RAB3IP: variants seen among roughly 807,000 people sequenced by gnomAD.
RAB3IP encodes the protein RAB3A interacting protein.
Under a neutral mutation model 59.1 loss-of-function variants are expected in RAB3IP, and 36 were observed. The ratio of observed to expected loss-of-function variants is 0.61; its 90% confidence interval spans 0.47 to 0.80. The LOEUF (loss-of-function observed/expected upper bound fraction) is 0.80, where lower values mean the gene tolerates loss of function less well. Among genes scored for constraint, RAB3IP ranks in the 30% least tolerant of loss-of-function variants. The pLI is 0.00. For missense variants in RAB3IP, 511 were observed against 536.0 expected, an observed-to-expected ratio of 0.95 and a Z score of 0.46; for synonymous variants, 207 against 191.2, an observed-to-expected ratio of 1.08 and a Z score of -0.68.
intron 1 of RAB3IP, among the ~76,000 whole-genome samples, chr12:69,753,275 G>C (rs1869632410): frequency 1.3e-5 from 2 of 152,174 alleles, no homozygotes; most frequent in Non-Finnish European, 2.9e-5. Context: ...AAGGATTTGA[G>C]AGTTAAATTT....
intron 1 of RAB3IP, among the ~76,000 whole-genome samples, chr12:69,750,989 G>T (rs897882105): frequency 2.4e-4 from 36 of 152,016 alleles, no homozygotes; most frequent in Non-Finnish European, 8.8e-5. Flanking sequence ...TTATTAAGTG[G>T]AATTCTGCTA....
rs1431950597 is a variant in RAB3IP, at chr12:69,800,199, G to C, written c.889-10G>C. 2 of 1,504,378 alleles carry C rather than the reference G, an allele frequency of 1.3e-6. No homozygotes were observed. The highest frequency in any genetic ancestry group is 1.4e-5 in the South Asian group (1 of 72,400). 93.2% of individuals were successfully genotyped at this position (1,504,378 alleles called of 1,614,324 possible). A position where few individuals can be genotyped will look rare whatever the true frequency, so the allele number is the denominator to read the frequency against. On this transcript the variant is annotated splice_polypyrimidine_tract_variant and intron_variant, in intron 6 of 10. Transcript: ENST00000247833. ...AAAACATGTTTTTGTGTTTTCCTTT[G>C]GTTTGTTAGGCTGACTTATCCTTGT...
intron 8 of RAB3IP, among the ~76,000 whole-genome samples, chr12:69,811,239 G>A (rs1379178840): frequency 1.3e-5 from 2 of 152,080 alleles, no homozygotes; most frequent in Non-Finnish European, 1.5e-5. Flanking sequence ...TGGAAGGGTG[G>A]AGGATGGGAA....
At chr12:69,768,017 C>T (rs1872507057) in intron 3 of RAB3IP, among the ~76,000 whole-genome samples, 1 of 151,754 alleles carries the variant, frequency 6.6e-6, no homozygotes, top group South Asian at 2.1e-4. Context: ...GAAAGGGAAC[C>T]CCTCCACCAG....
chr12:69,779,157 G>A (rs1423031672), intron 3 of RAB3IP: 1 of 138,496 alleles, frequency 7.2e-6, no homozygotes, highest in East Asian at 2.2e-4. Context: ...CGCAATATTC[G>A]GATGGGAGTG....
In RAB3IP at chr12:69,794,526, C is replaced by A; in HGVS notation, c.684+12C>A. On this transcript the variant is annotated intron_variant, in intron 5 of 10. Coordinates refer to ENST00000247833, the MANE Select transcript of RAB3IP (RefSeq NM_022456.5). ...AAGCACAAGGAAAAGTGAGTTTTTG[C>A]AGCTCTTAATAGTATAAAATAAATT... 1 of 1,600,826 alleles carries A rather than the reference C, an allele frequency of 6.2e-7. No homozygotes were observed. Among genetic ancestry groups the A allele is most frequent in the Non-Finnish European group, 8.6e-7 (1 of 1,169,340 alleles).
In RAB3IP at chr12:69,817,885, A is replaced by T. The variant is rs530952104; in HGVS notation, c.*2439A>T. On this transcript the variant is annotated 3_prime_UTR_variant, in exon 11 of 11. Transcript: ENST00000247833. ...ATGTATGCAGAAATTCTACAAACCA[A>T]CAAAAAAGGACAGTGTCACAGAAAA... 6.6e-6 allele frequency: 1 copy of T among 152,314 alleles called. No individual in the cohort carries two copies. Among genetic ancestry groups the T allele is most frequent in the East Asian group, 1.9e-4 (1 of 5,186 alleles). 9.4% of individuals were successfully genotyped at this position (152,314 alleles called of 1,614,324 possible). A position where few individuals can be genotyped will look rare whatever the true frequency, so the allele number is the denominator to read the frequency against.
In RAB3IP at chr12:69,815,519, T is replaced by C. The variant is rs374901647; in HGVS notation, c.*73T>C. 31 of 1,094,628 alleles carry C rather than the reference T, an allele frequency of 2.8e-5. No individual in the cohort carries two copies. In the East Asian group the frequency reaches 3.1e-4, roughly 11 times the overall value. The allele number at this position is 1,094,628 out of a possible 1,614,324, so 67.8% of individuals were successfully genotyped here. On this transcript the variant is annotated 3_prime_UTR_variant, in exon 11 of 11. Coordinates refer to ENST00000247833, the MANE Select transcript of RAB3IP (RefSeq NM_022456.5). ...GCTGAATATTTTTATGGTTACTTGA[T>C]ATTTATTTCCAAGGAGTGAGCCTAA...
At chr12:69,795,498 G>A in intron 6 of RAB3IP, 154 bp downstream of exon 6, 2 of 638,544 alleles carry the variant, frequency 3.1e-6, no homozygotes, top group Non-Finnish European at 5.6e-6. Context: ...GCTGCTTTCA[G>A]GGATTCTTCA....
chr12:69,798,012 G>A (rs1877789651), intron 6 of RAB3IP, among the ~76,000 whole-genome samples: 2 of 152,192 alleles, frequency 1.3e-5, no homozygotes, highest in African/African-American at 4.8e-5. Flanking sequence ...ATAGCAGCAT[G>A]ATTTATAGTC....
At chr12:69,790,666 C>A (rs1236780617) in intron 4 of RAB3IP, among the ~76,000 whole-genome samples, 2 of 151,976 alleles carry the variant, frequency 1.3e-5, no homozygotes, top group East Asian at 3.9e-4. Context: ...TTCACTATAA[C>A]CTCCGCCTCC....
intron 3 of RAB3IP, among the ~76,000 whole-genome samples, chr12:69,765,634 G>A (rs1348334425): frequency 6.6e-6 from 1 of 152,192 alleles, no homozygotes; most frequent in Non-Finnish European, 1.5e-5. Flanking sequence ...GCATGGAGCA[G>A]AGAGGACCCG....
chr12:69,758,991 AT>A (rs10715719), intron 3 of RAB3IP, among the ~76,000 whole-genome samples: 98,230 of 148,484 alleles, frequency 0.66, 32,446 homozygotes, highest in African/African-American at 0.7. Context: ...CACTTCTAAG[AT>A]TTTTTTTTTT....
chr12:69,747,283 C>T (rs931896269), intron 1 of RAB3IP, among the ~76,000 whole-genome samples: 2 of 149,014 alleles, frequency 1.3e-5, no homozygotes, highest in Admixed American at 6.8e-5. Flanking sequence ...GTTTTCTCCC[C>T]TTGCCCTTTC....
intron 8 of RAB3IP, chr12:69,812,533 A>T (rs1435543786): frequency 7.7e-6 from 3 of 391,352 alleles, no homozygotes; most frequent in Non-Finnish European, 1.4e-5. Flanking sequence ...GAAAACACCT[A>T]GTTTCTGTTT....
At chr12:69,759,220 A>C (rs1870782413) in intron 3 of RAB3IP, among the ~76,000 whole-genome samples, 1 of 144,426 alleles carries the variant, frequency 6.9e-6, no homozygotes, top group Non-Finnish European at 1.5e-5. Context: ...GCATCTGTTT[A>C]ACAAAGCACA....
At chr12:69,745,694 A>G (rs1868309452) in intron 1 of RAB3IP, among the ~76,000 whole-genome samples, 1 of 152,126 alleles carries the variant, frequency 6.6e-6, no homozygotes, top group Admixed American at 6.5e-5. Flanking sequence ...GTTCTGGGAT[A>G]CCATGTGCAG....
In RAB3IP at chr12:69,739,862, A is replaced by T. The variant is rs1887119212; in HGVS notation, c.-26+831A>T. On this transcript the variant is annotated intron_variant, in intron 1 of 10. Coordinates refer to ENST00000247833, the MANE Select transcript of RAB3IP (RefSeq NM_022456.5). The stretch of plus-strand genomic sequence containing the variant: ...GCCGGTTGTTATGGGATTAAAAAAG[A>T]TGAAAGGGTAAGGTCTTGAAAGACA... 4 of 1,614,006 alleles carry T rather than the reference A, an allele frequency of 2.5e-6. No individual in the cohort carries two copies. The Admixed American group carries it at 5.0e-5, about 20-fold the overall frequency.
At chr12:69,769,626 A>G (rs765004362) in intron 3 of RAB3IP, among the ~76,000 whole-genome samples, 13 of 152,246 alleles carry the variant, frequency 8.5e-5, no homozygotes, top group Admixed American at 1.3e-4. Flanking sequence ...CCTCTAATCT[A>G]CCATCATGGG....
Sources: gnomAD v4.1 joint callset for allele counts (sites outside exome capture counted in the v4.1 genomes callset) on GRCh38, gnomAD v4.1.1 for gene constraint, MANE v1.5 for transcripts, NCBI Gene and HGNC (gene_info 2026-07-23, HGNC 2026-07-21) for gene names.